LTK: variants seen among roughly 807,000 people sequenced by gnomAD.
LTK encodes the protein leukocyte tyrosine kinase receptor.
LTK carries 117 observed loss-of-function variants against 101.5 expected under a neutral mutation model. The observed-to-expected ratio is 1.15, with a 90% CI of 0.99 to 1.34. LTK has a LOEUF of 1.34. Ranked by LOEUF, LTK falls within the 40% of genes most tolerant of loss-of-function variation. The pLI, the probability that LTK is intolerant of heterozygous loss-of-function variation, is 0.00. For synonymous variants in LTK, 563 were observed against 494.2 expected (o/e 1.14, Z -1.85); for missense variants, 1,252 against 1,164.7 (o/e 1.07, Z -1.09).
At position 41,504,884 on chromosome 15, in the gene LTK, G is replaced by A. The variant is rs1227232004; in HGVS notation, c.2019-10C>T. Reference sequence around the variant, plus strand: ...GCGGTAATAACTGGCCCTACAGGAGGGAGGAGGTGAATGATGAGTTGTTCA... The same window carrying A: ...GCGGTAATAACTGGCCCTACAGGAGAGAGGAGGTGAATGATGAGTTGTTCA... On this transcript the variant is annotated splice_polypyrimidine_tract_variant and intron_variant, in intron 16 of 19. Coordinates refer to ENST00000263800, the MANE Select transcript of LTK (RefSeq NM_002344.6). 3 of 1,609,672 alleles carry A rather than the reference G, an allele frequency of 1.9e-6. No homozygotes were observed. The highest frequency in any genetic ancestry group is 2.2e-5 in the South Asian group (2 of 90,150).
At position 41,511,406 on chromosome 15, in the gene LTK, C is replaced by A. The variant is rs760288738; in HGVS notation, c.814+16G>T. The A allele has an allele frequency of 1.0e-5, 14 of 1,373,866 alleles. No homozygotes were observed. The African/African-American group carries it at 1.2e-4, about 12-fold the overall frequency. 85.1% of individuals were successfully genotyped at this position (1,373,866 alleles called of 1,614,324 possible). ...CGGGGAGCACGCCCGCCTCTCCCCG[C>A]GGCCCGCGCCCTCACCTGCCGCCCC... On this transcript the variant is annotated intron_variant, in intron 6 of 19. Coordinates refer to ENST00000263800, the MANE Select transcript of LTK (RefSeq NM_002344.6). This position sits in a 1 kb window ranked among gnomAD's most constrained non-coding sequence, Gnocchi z 5.9.
rs898963855 is a variant in LTK, at chr15:41,513,803, T to C, written c.-94A>G. On this transcript the variant is annotated 5_prime_UTR_variant, in exon 1 of 20. Transcript: ENST00000263800. The stretch of plus-strand genomic sequence containing the variant: ...ACAGCTCATTTTGCCACGGCAGCCC[T>C]GGCCACCACTTACAGGGGTGTGCTG... The C allele has an allele frequency of 1.6e-5, 18 of 1,123,606 alleles. No homozygotes were observed. Among genetic ancestry groups the C allele is most frequent in the Non-Finnish European group, 1.9e-5 (14 of 737,604 alleles). The allele number at this position is 1,123,606 out of a possible 1,614,324, so 69.6% of individuals were successfully genotyped here.
chr15:41,505,599 G>A, intron 13 of LTK, 69 bp from the exon 14 acceptor site: 1 of 1,607,874 alleles, frequency 6.2e-7, no homozygotes, highest in Non-Finnish European at 8.5e-7. Context: ...GCTCCACAAA[G>A]CTGGAGAGGC....
chr15:41,511,764 C>T lies in LTK; in HGVS notation c.657+53G>A. 1 of 1,471,634 alleles carries T rather than the reference C, an allele frequency of 6.8e-7. No individual in the cohort carries two copies. The allele number at this position is 1,471,634 out of a possible 1,614,324, so 91.2% of individuals were successfully genotyped here. A position where few individuals can be genotyped will look rare whatever the true frequency, so the allele number is the denominator to read the frequency against. On this transcript the variant is annotated intron_variant, in intron 5 of 19. Transcript: ENST00000263800. This position sits in a 1 kb window ranked among gnomAD's most constrained non-coding sequence, Gnocchi z 5.9. ...CGGACGGAGAGCCGGTGCGTGAGCG[C>T]CCCTGGGGAGAGGATTGGGACCCCA... is the stretch of plus-strand genomic sequence containing the variant.
rs201486520 is a variant in LTK, at chr15:41,505,758, G to C, written c.1652C>G (p.Ser551Trp). Residue 551 changes from serine to tryptophan, a missense_variant, in exon 13 of 20, where the codon TCG (serine) becomes TGG (tryptophan). By Grantham distance (177) the Ser-to-Trp change is radical. Transcript: ENST00000263800. ...GAGGAAATCCAGCTCATCCTGAGGC[G>C]AGCAGAGTTCTGGCAGGGTCTGGGG... ...VAIKTLPELC[S>W]PQDELDFLME... 79 of 1,613,892 alleles carry C rather than the reference G, an allele frequency of 4.9e-5. No homozygotes were observed. The East Asian group carries it at 1.7e-3, about 36-fold the overall frequency.
At chr15:41,513,579 A>T in intron 1 of LTK, 88 bp downstream of exon 1, 1 of 1,244,486 alleles carries the variant, frequency 8.0e-7, no homozygotes, top group Non-Finnish European at 1.2e-6. Context: ...TGGAGGAACC[A>T]CTGACACCTG....
rs777819570 is a variant in LTK at position 41,505,480 on chromosome 15, G to A, written c.1748C>T (p.Ala583Val). Reference protein sequence around the residue: ...IVRCVGLSLRATPRLILLELM... With the variant: ...IVRCVGLSLRVTPRLILLELM... Reference sequence around the variant, plus strand: ...TTCCAGCAGAATGAGGCGAGGGGTGGCCCTGAGGCTGAGCCCCACACACCG... The same window carrying A: ...TTCCAGCAGAATGAGGCGAGGGGTGACCCTGAGGCTGAGCCCCACACACCG... Residue 583 changes from alanine (A) to valine (V), a missense_variant, in exon 14 of 20, where the codon GCC becomes GTC. Transcript: ENST00000263800. 3.1e-6 allele frequency: 5 copies of A among 1,614,112 alleles called. No homozygotes were observed. In the Admixed American group the frequency reaches 5.0e-5, roughly 16 times the overall value.
chr15:41,505,039 G>T lies in LTK; in HGVS notation c.1951C>A (p.Leu651Met), dbSNP rs1462576363. 1.9e-6 allele frequency: 3 copies of T among 1,613,466 alleles called. No individual in the cohort carries two copies. Among genetic ancestry groups the T allele is most frequent in the Non-Finnish European group, 2.5e-6 (3 of 1,179,650 alleles). ...ACTCGGCTGGGTCCAGCGCAGCTCA[G>T]CAGGCAGTTCCGGGCGGCAATATCC... Reference protein sequence around the residue: ...HRDIAARNCLLSCAGPSRVAK... With the variant: ...HRDIAARNCLMSCAGPSRVAK... The change falls in exon 16 of 20, where the codon CTG (leucine) becomes ATG (methionine). Residue 651 changes from leucine to methionine, a missense_variant. Physicochemically the swap from Leu to Met is conservative, Grantham distance 15. Transcript: ENST00000263800.
At chr15:41,505,846 C>A (rs1595458947) in intron 12 of LTK, 69 bp from the exon 13 acceptor site, 6 of 1,601,422 alleles carry the variant, frequency 3.7e-6, no homozygotes, top group South Asian at 3.3e-5. Context: ...AACCCTAGCT[C>A]TAGTCATTGT....
rs1371646460 is a variant in LTK, at chr15:41,509,132, G to A, written c.998-3C>T. The A allele has an allele frequency of 1.3e-6, 2 of 1,591,970 alleles. No individual in the cohort carries two copies. The highest frequency in any genetic ancestry group is 2.2e-5 in the East Asian group (1 of 44,774). ...GTCAGTCTCTGAAGCGTCGCCCCCTGGAAGTGGAGAGTGATGGAGAGTTTG... is the reference window on the plus strand; with the variant it reads ...GTCAGTCTCTGAAGCGTCGCCCCCTAGAAGTGGAGAGTGATGGAGAGTTTG... On this transcript the variant is annotated splice_region_variant and splice_polypyrimidine_tract_variant and intron_variant, in intron 7 of 19. Coordinates refer to ENST00000263800, the MANE Select transcript of LTK (RefSeq NM_002344.6).
Position 41,512,196 on chromosome 15 carries a change from G to C in LTK, c.429C>G (p.Phe143Leu). 6.2e-7 allele frequency: 1 copy of C among 1,613,208 alleles called. No homozygotes were observed. The highest frequency in any genetic ancestry group is 1.1e-5 in the South Asian group (1 of 91,048). The change falls in exon 4 of 20, where the codon TTC (phenylalanine) becomes TTG (leucine). Residue 143 changes from phenylalanine to leucine, a missense_variant. Physicochemically the swap from Phe to Leu is conservative, Grantham distance 22 (BLOSUM62 0). Coordinates refer to ENST00000263800, the MANE Select transcript of LTK (RefSeq NM_002344.6). ...KNHLSRAHGVFVSAIFSLGLG... is the reference protein window; with the variant it reads ...KNHLSRAHGVLVSAIFSLGLG... ...GACCGAGGGAGAAGATTGCTGAGAC[G>C]AAGACGCCATGCGCCCGCGACAGGT... is the stretch of plus-strand genomic sequence containing the variant.
chr15:41,504,968 G>C lies in LTK; in HGVS notation c.2018+4C>G. On this transcript the variant is annotated splice_donor_region_variant and intron_variant, in intron 16 of 19. Transcript: ENST00000263800. ...AGAGCCTTCCCACCTCCCAAGTCCC[G>C]CACCGGTAGATATCTCGTGCCATCC... The C allele has an allele frequency of 6.2e-7, 1 of 1,607,794 alleles. No homozygotes were observed. Among genetic ancestry groups the C allele is most frequent in the South Asian group, 1.1e-5 (1 of 90,226 alleles).
chr15:41,507,505 C>G, intron 10 of LTK, 57 bp downstream of exon 10: 4 of 1,592,718 alleles, frequency 2.5e-6, no homozygotes, highest in Non-Finnish European at 3.4e-6. Flanking sequence ...GAAACCCATC[C>G]CAGCTCACTG....
Position 41,505,211 on chromosome 15 carries a change from T to C in LTK, c.1922A>G (p.His641Arg), listed in dbSNP as rs377092265. ...CHYLEENHFI[H>R]RDIAARNCLL... Reference sequence around the variant, plus strand: ...CTGAGCCAGGACTGCTCCTAACCTGTGGATGAAGTGATTTTCCTCCAGGTA... The same window carrying C: ...CTGAGCCAGGACTGCTCCTAACCTGCGGATGAAGTGATTTTCCTCCAGGTA... The change falls in exon 15 of 20, where the codon CAC (histidine) becomes CGC (arginine). Residue 641 changes from histidine (H) to arginine (R), a missense_variant. By Grantham distance (29) the His-to-Arg change is conservative. Transcript: ENST00000263800. 79 of 1,613,896 alleles carry C rather than the reference T, an allele frequency of 4.9e-5. No individual in the cohort carries two copies. The highest frequency in any genetic ancestry group is 6.5e-5 in the Non-Finnish European group (77 of 1,179,960).
chr15:41,513,687 A>C lies in LTK; in HGVS notation c.23T>G (p.Leu8Arg). ...CTTACCCGCGGCTCCGAACCACACCAGCAGCTGTCCCCAGCAGCCCATCCC... is the reference window on the plus strand; with the variant it reads ...CTTACCCGCGGCTCCGAACCACACCCGCAGCTGTCCCCAGCAGCCCATCCC... MGCWGQL[L>R]VWFGAAGAIL... Residue 8 changes from leucine to arginine, a missense_variant, in exon 1 of 20, where the codon CTG becomes CGG. Coordinates refer to ENST00000263800, the MANE Select transcript of LTK (RefSeq NM_002344.6). 1 of 1,613,420 alleles carries C rather than the reference A, an allele frequency of 6.2e-7. No homozygotes were observed. Among genetic ancestry groups the C allele is most frequent in the Non-Finnish European group, 8.5e-7 (1 of 1,179,910 alleles).
intron 8 of LTK, 38 bp downstream of exon 8, chr15:41,508,993 G>A: frequency 6.9e-7 from 1 of 1,455,498 alleles, no homozygotes; most frequent in East Asian, 2.3e-5. Flanking sequence ...TGCGGAAGAA[G>A]TCCAGGCCAG....
rs764927085 is a variant in LTK, at chr15:41,505,985, A to G, written c.1562T>C (p.Phe521Ser). 5 of 1,613,190 alleles carry G rather than the reference A, an allele frequency of 3.1e-6. No homozygotes were observed. The highest frequency in any genetic ancestry group is 3.3e-4 in the Middle Eastern group (2 of 6,060). The change falls in exon 12 of 20, where the codon TTT becomes TCT. Residue 521 changes from phenylalanine (F) to serine (S), a missense_variant. Transcript: ENST00000263800. ...TLLRALGHGA[F>S]GEVYEGLVIG... ...TACCAGTCCCTCATACACCTCCCCA[A>G]AGGCACCATGGCCCAGGGCTCTGCA...
At position 41,513,797 on chromosome 15, in the gene LTK, C is replaced by T. The variant is rs1367931414; in HGVS notation, c.-88G>A. The T allele has an allele frequency of 2.3e-5, 27 of 1,189,518 alleles. No homozygotes were observed. In the East Asian group the frequency reaches 5.9e-4, roughly 26 times the overall value. 73.7% of individuals were successfully genotyped at this position (1,189,518 alleles called of 1,614,324 possible). On this transcript the variant is annotated 5_prime_UTR_variant, in exon 1 of 20. Transcript: ENST00000263800. ...AAGTTGACAGCTCATTTTGCCACGG[C>T]AGCCCTGGCCACCACTTACAGGGGT...
rs1041642630 is a variant in LTK at position 41,505,473 on chromosome 15, A to G, written c.1755T>C (p.Pro585=). ...ACATCAGTTCCAGCAGAATGAGGCG[A>G]GGGGTGGCCCTGAGGCTGAGCCCCA... is the stretch of plus-strand genomic sequence containing the variant. ...RCVGLSLRAT[P]RLILLELMSG... Residue 585 remains proline (P), a synonymous_variant, in exon 14 of 20, where the codon CCT becomes CCC. Coordinates refer to ENST00000263800, the MANE Select transcript of LTK (RefSeq NM_002344.6). 5.0e-6 allele frequency: 8 copies of G among 1,613,908 alleles called. No individual in the cohort carries two copies. The highest frequency in any genetic ancestry group is 1.7e-5 in the Admixed American group (1 of 59,984).
Sources: gnomAD v4.1 joint callset for allele counts on GRCh38, gnomAD v4.1.1 for gene constraint, Gnocchi (gnomAD v3.1) non-coding constraint, MANE v1.5 for transcripts, NCBI Gene and HGNC (gene_info 2026-07-23, HGNC 2026-07-21) for gene names.